PCDHGA1: variants seen among roughly 807,000 people sequenced by gnomAD.
PCDHGA1 encodes the protein protocadherin gamma subfamily A, 1.
In PCDHGA1, 32 loss-of-function variants were observed where a neutral mutation model predicts 58.0. The observed-to-expected ratio is 0.55, with a 90% CI of 0.42 to 0.74. The LOEUF (loss-of-function observed/expected upper bound fraction) is 0.74, where lower values mean the gene tolerates loss of function less well. PCDHGA1 is among the 30% of genes least tolerant of loss of function. The pLI, the probability that PCDHGA1 is intolerant of heterozygous loss-of-function variation, is 0.00. For missense variants in PCDHGA1, 1,205 were observed against 1,182.3 expected (o/e 1.02, Z -0.28); for synonymous variants, 498 against 501.1 (o/e 0.99, Z 0.08).
rs2099619316 is a variant in PCDHGA1, at chr5:141,485,794, C to A, written c.2422-9013C>A. The A allele has an allele frequency of 6.2e-7, 1 of 1,614,120 alleles. No homozygotes were observed. The highest frequency in any genetic ancestry group is 1.1e-5 in the South Asian group (1 of 91,092). On this transcript the variant is annotated intron_variant, in intron 1 of 3. Transcript: ENST00000517417. This position sits in a 1 kb window ranked among gnomAD's most constrained non-coding sequence, Gnocchi z 5.7. ...CTTTGGATCGAGAGAAGCAATCGGA[C>A]TACCGCCTGGTGCTGACTGCTGTCG...
chr5:141,491,508 G>T lies in PCDHGA1; in HGVS notation c.2422-3299G>T. 1 of 1,614,030 alleles carries T rather than the reference G, an allele frequency of 6.2e-7. No homozygotes were observed. Among genetic ancestry groups the T allele is most frequent in the Non-Finnish European group, 8.5e-7 (1 of 1,180,014 alleles). ...ACCTGCAGGTGAGCTCGGACGGCACGCTCAAGTACATGGAGGTGACGCTGC... is the reference window on the plus strand; with the variant it reads ...ACCTGCAGGTGAGCTCGGACGGCACTCTCAAGTACATGGAGGTGACGCTGC... On this transcript the variant is annotated intron_variant, in intron 1 of 3. Transcript: ENST00000517417. The surrounding 1 kb of genome is among the most constrained non-coding windows in gnomAD (Gnocchi z 6.9).
At position 141,366,307 on chromosome 5, in the gene PCDHGA1, G is replaced by A. The variant is rs539472764; in HGVS notation, c.2421+33202G>A. 6.3e-5 allele frequency: 101 copies of A among 1,613,748 alleles called. 2 individuals carry two copies. In the South Asian group the frequency reaches 9.7e-4, roughly 15 times the overall value. On this transcript the variant is annotated intron_variant, in intron 1 of 3. Coordinates refer to ENST00000517417, the MANE Select transcript of PCDHGA1 (RefSeq NM_018912.3). ...AGCCCCCTCTGTCAGCCACCTTCAC[G>A]GTCACCGTTGCCGTGGCCGACAGGA...
intron 1 of PCDHGA1, chr5:141,423,131 A>G (rs370773437): frequency 1.9e-6 from 3 of 1,613,538 alleles, no homozygotes; most frequent in Admixed American, 1.7e-5. Context: ...GCACTGCTGG[A>G]CAGAGACGCG....
intron 1 of PCDHGA1, among the ~76,000 whole-genome samples, chr5:141,468,131 C>A (rs1006565854): frequency 1.3e-5 from 2 of 151,650 alleles, no homozygotes; most frequent in South Asian, 4.2e-4. Context: ...TTGAGACCAG[C>A]CTGGCCAACA....
Position 141,411,472 on chromosome 5 carries a change from T to G in PCDHGA1, c.2421+78367T>G, listed in dbSNP as rs546914871. ...GGTAGCATTCCCCTGTGGTCCCAGC[T>G]ACTTGGGAGGCTGAGCTGGGTGGAT... On this transcript the variant is annotated intron_variant, in intron 1 of 3. Coordinates refer to ENST00000517417, the MANE Select transcript of PCDHGA1 (RefSeq NM_018912.3). 2.6e-5 allele frequency: 4 copies of G among 151,948 alleles called. 1 individual carries two copies. The South Asian group carries it at 8.3e-4, about 32-fold the overall frequency. The allele number at this position is 151,948 out of a possible 1,614,324, so 9.4% of individuals were successfully genotyped here.
chr5:141,384,576 G>A (rs757254740), intron 1 of PCDHGA1: 18 of 1,614,060 alleles, frequency 1.1e-5, no homozygotes, highest in South Asian at 7.7e-5. Context: ...ATGACAACCC[G>A]CCCGAGATCC....
In PCDHGA1 at chr5:141,476,714, C is replaced by G. The variant is rs146188020; in HGVS notation, c.2422-18093C>G. 3.1e-6 allele frequency: 5 copies of G among 1,614,036 alleles called. No individual in the cohort carries two copies. Among genetic ancestry groups the G allele is most frequent in the African/African-American group, 2.7e-5 (2 of 74,938 alleles). ...CAAGTACGCGGAGCTGGTGTTGGAGCGCGCCCTGGACCGAGAACGGGAGCC... is the reference window on the plus strand; with the variant it reads ...CAAGTACGCGGAGCTGGTGTTGGAGGGCGCCCTGGACCGAGAACGGGAGCC... On this transcript the variant is annotated intron_variant, in intron 1 of 3. Transcript: ENST00000517417. This position sits in a 1 kb window ranked among gnomAD's most constrained non-coding sequence, Gnocchi z 7.6.
At chr5:141,377,625 G>GT (rs1774202160) in intron 1 of PCDHGA1, 1 of 150,730 alleles carries the variant, frequency 6.6e-6, no homozygotes, top group South Asian at 2.1e-4. Flanking sequence ...AAAAGATTTT[G>GT]TTTTTTCTCA....
intron 1 of PCDHGA1, chr5:141,344,632 T>C (rs1757449485): frequency 1.2e-6 from 2 of 1,613,976 alleles, no homozygotes; most frequent in East Asian, 2.2e-5. Flanking sequence ...GAGCGGGCCC[T>C]GGACCGTGAG....
chr5:141,372,295 A>T (rs747911536), intron 1 of PCDHGA1: 2 of 1,613,304 alleles, frequency 1.2e-6, no homozygotes, highest in Non-Finnish European at 1.7e-6. Context: ...ACCTTGGGCG[A>T]CAGGGAGGCC....
intron 3 of PCDHGA1, among the ~76,000 whole-genome samples, chr5:141,506,682 C>A (rs1333272766): frequency 6.6e-6 from 1 of 152,192 alleles, no homozygotes; most frequent in East Asian, 1.9e-4. Context: ...ATATTATTAT[C>A]TTTGCTGACC....
rs1768955352 is a variant in PCDHGA1, at chr5:141,372,667, C to T, written c.2421+39562C>T. 1.9e-6 allele frequency: 3 copies of T among 1,613,922 alleles called. No homozygotes were observed. In the African/African-American group the frequency reaches 4.0e-5, roughly 22 times the overall value. On this transcript the variant is annotated intron_variant, in intron 1 of 3. Transcript: ENST00000517417. Reference sequence around the variant, plus strand: ...TATTCCTACAATCCGTGTGCTGCCTCACATTCCTCAAACACCGAGTTTAAA... The same window carrying T: ...TATTCCTACAATCCGTGTGCTGCCTTACATTCCTCAAACACCGAGTTTAAA...
intron 1 of PCDHGA1, among the ~76,000 whole-genome samples, chr5:141,481,913 CAAAAAAAAA>C (rs34114744): frequency 1.1e-5 from 1 of 90,852 alleles, no homozygotes; most frequent in Non-Finnish European, 2.2e-5. Flanking sequence ...AACTCCATCT[CAAAAAAAAA>C]AAAAAAAAAA....
rs776008188 is a variant in PCDHGA1, at chr5:141,376,058, A to T, written c.2421+42953A>T. The T allele has an allele frequency of 4.3e-6, 7 of 1,613,282 alleles. No homozygotes were observed. In the East Asian group the frequency reaches 1.3e-4, roughly 31 times the overall value. ...CCAGCCCCCTCTCTCCGCCACTGTC[A>T]CGCTCACCGTGGCCGTGGCCGACAG... On this transcript the variant is annotated intron_variant, in intron 1 of 3. Transcript: ENST00000517417.
intron 1 of PCDHGA1, chr5:141,388,544 A>C (rs755878131): frequency 5.6e-6 from 9 of 1,613,654 alleles, no homozygotes; most frequent in Non-Finnish European, 6.8e-6. Flanking sequence ...TTGGAGCTCC[A>C]CCCCTAAGCA....
At chr5:141,382,862 C>T (rs1026124728) in intron 1 of PCDHGA1, 2 of 1,514,358 alleles carry the variant, frequency 1.3e-6, no homozygotes, top group Non-Finnish European at 1.8e-6. Context: ...TGAAGCACTT[C>T]CCGAGATCGG....
Position 141,487,306 on chromosome 5 carries a change from ACT to A in PCDHGA1, c.2422-7496_2422-7495del. 1 of 1,613,414 alleles carries A rather than the reference ACT, an allele frequency of 6.2e-7. No individual in the cohort carries two copies. The highest frequency in any genetic ancestry group is 8.5e-7 in the Non-Finnish European group (1 of 1,179,874). ...TCTCCTTTGGCTCATTCGTGGCACT[ACT>A]CTCTAAGTGTCTTCGTGGGGCAGCC... On this transcript the variant is annotated intron_variant, in intron 1 of 3. Coordinates refer to ENST00000517417, the MANE Select transcript of PCDHGA1 (RefSeq NM_018912.3). The surrounding 1 kb of genome is among the most constrained non-coding windows in gnomAD (Gnocchi z 5.0).
At chr5:141,438,607 T>C (rs924136790) in intron 1 of PCDHGA1, among the ~76,000 whole-genome samples, 2 of 27,412 alleles carry the variant, frequency 7.3e-5, no homozygotes. Flanking sequence ...TATATATATA[T>C]ATATATATAT....
At chr5:141,468,849 G>C (rs1349849817) in intron 1 of PCDHGA1, among the ~76,000 whole-genome samples, 2 of 152,058 alleles carry the variant, frequency 1.3e-5, no homozygotes, top group East Asian at 3.9e-4. Flanking sequence ...CTGGGCAACA[G>C]AGCGAGACTC....
Sources: gnomAD v4.1 joint callset for allele counts (sites outside exome capture counted in the v4.1 genomes callset) on GRCh38, gnomAD v4.1.1 for gene constraint, Gnocchi (gnomAD v3.1) non-coding constraint, MANE v1.5 for transcripts, NCBI Gene and HGNC (gene_info 2026-07-23, HGNC 2026-07-21) for gene names.